The following STAT5B variants were observed in gnomAD, a reference collection of about 807,000 sequenced individuals.
The protein encoded by STAT5B is signal transducer and activator of transcription 5B.
STAT5B carries 21 observed loss-of-function variants against 107.8 expected under a neutral mutation model. The observed-to-expected ratio is 0.19, with a 90% CI of 0.14 to 0.28. The LOEUF is 0.28. Among genes scored for constraint, STAT5B ranks in the 10% least tolerant of loss-of-function variants. The pLI is 1.00. For synonymous variants in STAT5B, 325 were observed against 401.7 expected (o/e 0.81, Z 2.28); for missense variants, 565 against 1,008.2 (o/e 0.56, Z 5.95).
In STAT5B at chr17:42,252,151, C is replaced by G. The variant is rs558419643; in HGVS notation, c.-10-20014G>C. ...GACACTCTGATACAGAAGGCAACTT[C>G]TGAATTTAACAGTGCTGTGCGATAT... On this transcript the variant is annotated intron_variant, in intron 1 of 18. Transcript: ENST00000293328. Among the ~76,000 whole-genome samples the G allele has an allele frequency of 3.3e-5, 5 of 152,236 alleles. No individual in the cohort carries two copies. In the South Asian group the frequency reaches 1.0e-3, roughly 32 times the overall value.
At chr17:42,284,387 G>A in the STAT5B span, among the ~76,000 whole-genome samples, 5 of 151,796 alleles carry the variant, frequency 3.3e-5, no homozygotes, top group African/African-American at 9.7e-5. Flanking sequence ...CTGCCTCAGC[G>A]TACTGAGTAG....
intron 3 of STAT5B, among the ~76,000 whole-genome samples, chr17:42,225,357 T>A (rs753207421): frequency 6.6e-6 from 1 of 152,162 alleles, no homozygotes; most frequent in Admixed American, 6.5e-5. Context: ...GCCTAAAGTA[T>A]CCGGGGAACA....
chr17:42,273,757 A>C (rs1444677471), intron 1 of STAT5B, among the ~76,000 whole-genome samples: 1 of 152,222 alleles, frequency 6.6e-6, no homozygotes, highest in Non-Finnish European at 1.5e-5. Flanking sequence ...CCTACATAAC[A>C]ACAAGCCAAA....
intron 16 of STAT5B, among the ~76,000 whole-genome samples, chr17:42,206,571 GTTTTC>G (rs972676633): frequency 1.3e-5 from 2 of 152,110 alleles, no homozygotes; most frequent in Admixed American, 6.6e-5. Context: ...CTGTTTTTTT[GTTTTC>G]TTTTCTTTTG....
chr17:42,219,241 C>T, intron 7 of STAT5B, 71 bp downstream of exon 7: 1 of 1,556,512 alleles, frequency 6.4e-7, no homozygotes. Context: ...GGAGCCAGCA[C>T]AGGACGCAGA....
chr17:42,262,866 G>GTGTGTGTATATATACACATATATA (rs1173958849), intron 1 of STAT5B, among the ~76,000 whole-genome samples: 1 of 101,636 alleles, frequency 9.8e-6, no homozygotes, highest in Non-Finnish European at 2.0e-5. Flanking sequence ...ACACATATAT[G>GTGTGTGTATATATACACATATATA]TGTGTGTATA....
At chr17:42,236,214 T>G (rs1269874156) in intron 1 of STAT5B, among the ~76,000 whole-genome samples, 2 of 152,236 alleles carry the variant, frequency 1.3e-5, no homozygotes, top group African/African-American at 4.8e-5. Flanking sequence ...AGTGCTTTGA[T>G]AGAGCTGGAG....
chr17:42,278,852 G>A (rs1434709098), upstream of STAT5B, among the ~76,000 whole-genome samples: 5 of 151,782 alleles, frequency 3.3e-5, no homozygotes, highest in South Asian at 2.1e-4. Flanking sequence ...GGTGGTGCGC[G>A]CCTGTAGTCC....
intron 1 of STAT5B, among the ~76,000 whole-genome samples, chr17:42,238,129 TCC>T (rs2080371683): frequency 6.6e-6 from 1 of 151,342 alleles, no homozygotes; most frequent in Non-Finnish European, 1.5e-5. Context: ...CATCCATCCA[TCC>T]ATCCATCCAT....
rs1009126910 is a variant in STAT5B at position 42,263,879 on chromosome 17, A to G, written c.-11+12369T>C. Reference sequence around the variant, plus strand: ...AAGATACTAGAAAGCGCGCACACACACACACACACACACACACACACACAC... The same window carrying G: ...AAGATACTAGAAAGCGCGCACACACGCACACACACACACACACACACACAC... On this transcript the variant is annotated intron_variant, in intron 1 of 18. Transcript: ENST00000293328. Among the ~76,000 whole-genome samples the G allele has an allele frequency of 4.3e-3, 614 of 143,234 alleles. 5 individuals are homozygous for G. Among genetic ancestry groups the G allele is most frequent in the African/African-American group, 0.015 (588 of 39,626 alleles). The allele number at this position is 143,234 out of a possible 152,430, so 94.0% of individuals were successfully genotyped here.
intron 13 of STAT5B, among the ~76,000 whole-genome samples, chr17:42,211,277 G>C (rs1263204585): frequency 6.6e-6 from 1 of 152,054 alleles, no homozygotes; most frequent in Non-Finnish European, 1.5e-5. Context: ...GGAGGCCGAG[G>C]CGGGCAGATC....
chr17:42,223,344 A>G, intron 5 of STAT5B, 38 bp downstream of exon 5: 1 of 1,613,832 alleles, frequency 6.2e-7, no homozygotes, highest in Non-Finnish European at 8.5e-7. Context: ...CCCAGGCCCA[A>G]TCCTCAAGTT....
chr17:42,217,341 G>A (rs1286284113), intron 10 of STAT5B, 36 bp downstream of exon 10: 1 of 1,614,202 alleles, frequency 6.2e-7, no homozygotes, highest in East Asian at 2.2e-5. Flanking sequence ...TCAAAGACCA[G>A]GGAAAAATTC....
chr17:42,219,635 G>A, intron 6 of STAT5B, 77 bp downstream of exon 6: 1 of 1,494,818 alleles, frequency 6.7e-7, no homozygotes, highest in Non-Finnish European at 9.0e-7. Context: ...TCTCATGCTG[G>A]TCCCAGCCCT....
chr17:42,268,761 T>C (rs961639253), intron 1 of STAT5B: 1 of 152,168 alleles, frequency 6.6e-6, no homozygotes, highest in Non-Finnish European at 1.5e-5. Context: ...TGTAGATCTC[T>C]AATTTGCTAC....
Position 42,223,435 on chromosome 17 carries a change from TGCAG to T in STAT5B, c.493_496del (p.Leu165SerfsTer15). 6.2e-7 allele frequency: 1 copy of T among 1,614,230 alleles called. No homozygotes were observed. Among genetic ancestry groups the T allele is most frequent in the South Asian group, 1.1e-5 (1 of 91,092 alleles). ...GATGATGAAGTACTCCTGAGTCTGCTGCAGCTTTTTTAACTCATTCTCTGTGTCC... is the reference window on the plus strand; with the variant it reads ...GATGATGAAGTACTCCTGAGTCTGCTCTTTTTTAACTCATTCTCTGTGTCC... On this transcript the variant is annotated frameshift_variant, in exon 5 of 19. Transcript: ENST00000293328. LOFTEE classifies it high-confidence loss of function.
intron 15 of STAT5B, 99 bp downstream of exon 15, chr17:42,210,072 C>T: frequency 1.3e-6 from 2 of 1,553,230 alleles, no homozygotes; most frequent in African/African-American, 1.4e-5. Context: ...ATAATTAGTA[C>T]TGACCTCAAC....
intron 13 of STAT5B, among the ~76,000 whole-genome samples, chr17:42,211,701 C>T (rs999980705): frequency 6.6e-6 from 1 of 152,034 alleles, no homozygotes; most frequent in African/African-American, 2.4e-5. Context: ...AAAAGCTTTG[C>T]TTCTCATGAG....
chr17:42,215,971 C>T lies in STAT5B; in HGVS notation c.1473+43G>A, dbSNP rs144196398. 2.7e-4 allele frequency: 421 copies of T among 1,582,898 alleles called. 1 individual carries two copies. The highest frequency in any genetic ancestry group is 6.1e-4 in the African/African-American group (45 of 74,366). On this transcript the variant is annotated intron_variant, in intron 12 of 18. Coordinates refer to ENST00000293328, the MANE Select transcript of STAT5B (RefSeq NM_012448.4). The stretch of plus-strand genomic sequence containing the variant: ...AATACATAAATGAGATTCATGACAC[C>T]GGCATTGATTTTGGGACCCACATGC...
Sources: gnomAD v4.1 joint callset for allele counts (sites outside exome capture counted in the v4.1 genomes callset) on GRCh38, gnomAD v4.1.1 for gene constraint, MANE v1.5 for transcripts, NCBI Gene and HGNC (gene_info 2026-07-23, HGNC 2026-07-21) for gene names.